COPG2: variants seen among roughly 807,000 people sequenced by gnomAD.
COPG2 encodes the protein coat protein complex I subunit gamma 2.
In COPG2, 37 loss-of-function variants were observed where a neutral mutation model predicts 46.3. That is an observed-to-expected ratio of 0.80 (90% CI 0.61 to 1.05). COPG2 has a LOEUF of 1.05. COPG2 is among the 50% of genes least tolerant of loss of function. COPG2 has a pLI of 0.00. For missense variants in COPG2, 427 were observed against 387.8 expected, an observed-to-expected ratio of 1.10 and a Z score of -0.85; for synonymous variants, 159 against 129.7, an observed-to-expected ratio of 1.23 and a Z score of -1.53.
chr7:130,550,622 T>C lies in COPG2; in HGVS notation c.1676A>G (p.Glu559Gly). The change falls in exon 17 of 24, where the codon GAA becomes GGA. Residue 559 changes from glutamate (E) to glycine (G), a missense_variant. By Grantham distance (98) the Glu-to-Gly change is moderately conservative (BLOSUM62 -2). Transcript: ENST00000425248. Reference protein sequence around the residue: ...NGLTVSVPGMEKALHQYTLEP... With the variant: ...NGLTVSVPGMGKALHQYTLEP... Reference sequence around the variant, plus strand: ...CAACGTGTACTGGTGTAAGGCTTTTTCCATCCCTGGTACAGAGACCGTCAA... The same window carrying C: ...CAACGTGTACTGGTGTAAGGCTTTTCCCATCCCTGGTACAGAGACCGTCAA... 5.0e-6 allele frequency: 2 copies of C among 398,098 alleles called. No homozygotes were observed. The allele number at this position is 398,098 out of a possible 1,614,324, so 24.7% of individuals were successfully genotyped here. A position where few individuals can be genotyped will look rare whatever the true frequency, so the allele number is the denominator to read the frequency against.
At chr7:130,668,343 A>T (rs1796133108) in intron 1 of COPG2, among the ~76,000 whole-genome samples, 1 of 149,598 alleles carries the variant, frequency 6.7e-6, no homozygotes, top group Non-Finnish European at 1.5e-5. Flanking sequence ...GCCCGCGCGC[A>T]GGGGAGGAGG....
At chr7:130,547,289 T>C (rs1361710085) in intron 20 of COPG2, 1 of 166,998 alleles carries the variant, frequency 6.0e-6, no homozygotes, top group East Asian at 1.6e-4. Context: ...CCAAGTTCTA[T>C]CTAACTAGAT....
At chr7:130,549,724 G>A (rs956332351) in intron 17 of COPG2, among the ~76,000 whole-genome samples, 4 of 152,180 alleles carry the variant, frequency 2.6e-5, no homozygotes, top group Non-Finnish European at 4.4e-5. Context: ...AACTGAAAAT[G>A]TTGAAAATAA....
Position 130,548,470 on chromosome 7 carries a change from G to T in COPG2, c.1910C>A (p.Thr637Lys), listed in dbSNP as rs1028261253. Residue 637 changes from threonine (T) to lysine (K), a missense_variant, in exon 19 of 24, where the codon ACA (threonine) becomes AAA (lysine). By Grantham distance (78) the Thr-to-Lys change is moderately conservative (BLOSUM62 -1). Transcript: ENST00000425248. ...LFKSSEPVQL[T>K]EAETEYFVRC... ...AACAAAATATTCTGTCTCTGCTTCTGTAAGTTGAACAGGCTCAGAAGACTT... is the reference window on the plus strand; with the variant it reads ...AACAAAATATTCTGTCTCTGCTTCTTTAAGTTGAACAGGCTCAGAAGACTT... The T allele has an allele frequency of 7.5e-6, 3 of 398,498 alleles. No individual in the cohort carries two copies. The highest frequency in any genetic ancestry group is 1.3e-5 in the Non-Finnish European group (3 of 226,074). 24.7% of individuals were successfully genotyped at this position (398,498 alleles called of 1,614,324 possible).
At chr7:130,587,382 A>T (rs1285793135) in intron 9 of COPG2, among the ~76,000 whole-genome samples, 1 of 152,072 alleles carries the variant, frequency 6.6e-6, no homozygotes, top group African/African-American at 2.4e-5. Flanking sequence ...ATAGTCCTAA[A>T]ATGCTTTCCA....
chr7:130,629,953 TG>T (rs1795196926), intron 5 of COPG2, among the ~76,000 whole-genome samples: 1 of 151,720 alleles, frequency 6.6e-6, no homozygotes, highest in South Asian at 2.1e-4. Context: ...GTTTCGCTCT[TG>T]TCGCCCAGGC....
intron 20 of COPG2, among the ~76,000 whole-genome samples, chr7:130,516,584 A>G (rs1402489170): frequency 1.3e-5 from 2 of 152,206 alleles, no homozygotes; most frequent in African/African-American, 4.8e-5. Flanking sequence ...GATGCTAAAT[A>G]GGGAAAGAGA....
At chr7:130,559,545 C>T (rs971159660) in intron 12 of COPG2, among the ~76,000 whole-genome samples, 3 of 152,134 alleles carry the variant, frequency 2.0e-5, no homozygotes, top group Non-Finnish European at 4.4e-5. Flanking sequence ...TGTCCAGATC[C>T]CCAGCTAAAC....
intron 20 of COPG2, among the ~76,000 whole-genome samples, chr7:130,532,418 G>A (rs1334668953): frequency 2.6e-5 from 4 of 152,132 alleles, no homozygotes; most frequent in East Asian, 3.9e-4. Context: ...AGCGTGGAAG[G>A]AGAGCGTCTT....
chr7:130,638,306 C>T (rs1795386054), intron 5 of COPG2, among the ~76,000 whole-genome samples: 1 of 152,180 alleles, frequency 6.6e-6, no homozygotes, highest in South Asian at 2.1e-4. Context: ...ACGTTCAAGT[C>T]TACTGAAACT....
rs1793391222 is a variant in COPG2, at chr7:130,544,150, G to T, written c.2149+3524C>A. On this transcript the variant is annotated intron_variant, in intron 20 of 23. Coordinates refer to ENST00000425248, the MANE Select transcript of COPG2 (RefSeq NM_012133.6). ...GATTAAATGCTTGGCTTAGAAGAAT[G>T]CAAAGCTTCACTGAGCCTAATAATA... Among the ~76,000 whole-genome samples, 3 of 152,226 alleles carry T rather than the reference G, an allele frequency of 2.0e-5. No individual in the cohort carries two copies. In the East Asian group the frequency reaches 5.8e-4, roughly 29 times the overall value.
intron 20 of COPG2, among the ~76,000 whole-genome samples, chr7:130,519,100 G>A (rs900231521): frequency 1.3e-5 from 2 of 152,164 alleles, no homozygotes; most frequent in African/African-American, 4.8e-5. Context: ...TTAGGTTGGG[G>A]TGCTGAGCAT....
chr7:130,661,429 A>G (rs1431286107), intron 4 of COPG2, among the ~76,000 whole-genome samples: 4 of 152,208 alleles, frequency 2.6e-5, no homozygotes, highest in African/African-American at 9.6e-5. Flanking sequence ...CAACCTGCCT[A>G]GTTTTCTAGT....
chr7:130,621,054 A>G (rs1006734710), intron 5 of COPG2, among the ~76,000 whole-genome samples: 2 of 152,244 alleles, frequency 1.3e-5, no homozygotes, highest in Non-Finnish European at 1.5e-5. Context: ...AAGTGTCCCC[A>G]TAAGAGCAAG....
chr7:130,668,657 T>A lies in COPG2; in HGVS notation c.12A>T (p.Lys4Asn). 6.5e-7 allele frequency: 1 copy of A among 1,544,398 alleles called. No individual in the cohort carries two copies. The highest frequency in any genetic ancestry group is 8.7e-7 in the Non-Finnish European group (1 of 1,147,542). Residue 4 changes from lysine (K) to asparagine (N), a missense_variant, in exon 1 of 24, where the codon AAA becomes AAT. By Grantham distance (94) the Lys-to-Asn change is moderately conservative. Transcript: ENST00000425248. MIK[K>N]FDKKDEESGS... ...CAGACTCCTCGTCCTTCTTGTCGAA[T>A]TTTTTAATCATCTTGGACGACTTCC...
intron 5 of COPG2, among the ~76,000 whole-genome samples, chr7:130,648,028 C>A (rs1000508978): frequency 6.6e-6 from 1 of 152,054 alleles, no homozygotes; most frequent in Non-Finnish European, 1.5e-5. Flanking sequence ...CCGTGCCCAG[C>A]CTATCTCACT....
chr7:130,611,162 A>G, intron 8 of COPG2, 52 bp from the exon 9 acceptor site: 1 of 1,499,658 alleles, frequency 6.7e-7, no homozygotes, highest in Middle Eastern at 1.7e-4. Flanking sequence ...ATGTCAAAAT[A>G]TTTACACAAA....
At chr7:130,611,817 GC>G (rs1794854642) in intron 8 of COPG2, among the ~76,000 whole-genome samples, 3 of 152,114 alleles carry the variant, frequency 2.0e-5, no homozygotes, top group African/African-American at 7.2e-5. Context: ...TTTTTATAAT[GC>G]CTATAATCAA....
chr7:130,648,867 T>C (rs1795673957), intron 5 of COPG2, among the ~76,000 whole-genome samples: 1 of 152,208 alleles, frequency 6.6e-6, no homozygotes, highest in African/African-American at 2.4e-5. Context: ...CTATAGAATT[T>C]GGGGCTCTGA....
Sources: gnomAD v4.1 joint callset for allele counts (sites outside exome capture counted in the v4.1 genomes callset) on GRCh38, gnomAD v4.1.1 for gene constraint, MANE v1.5 for transcripts, NCBI Gene and HGNC (gene_info 2026-07-23, HGNC 2026-07-21) for gene names.